The following MTF1 variants were observed in gnomAD, a reference collection of about 807,000 sequenced individuals.
The protein encoded by MTF1 is MRE-binding transcription factor.
In MTF1, 22 loss-of-function variants were observed where a neutral mutation model predicts 70.4. That is an observed-to-expected ratio of 0.31 (90% CI 0.22 to 0.45). The LOEUF is 0.45. Among genes scored for constraint, MTF1 ranks in the 20% least tolerant of loss-of-function variants. The pLI is 1.00. For synonymous variants in MTF1, 333 were observed against 352.8 expected (o/e 0.94, Z 0.63); for missense variants, 649 against 922.0 (o/e 0.70, Z 3.83).
Position 37,822,291 on chromosome 1 carries a change from C to T in MTF1, c.1597G>A (p.Val533Ile), listed in dbSNP as rs1287811352. The T allele has an allele frequency of 6.2e-7, 1 of 1,614,080 alleles. No homozygotes were observed. The highest frequency in any genetic ancestry group is 8.5e-7 in the Non-Finnish European group (1 of 1,180,010). Residue 533 changes from valine to isoleucine, a missense_variant, in exon 9 of 11, where the codon GTC (valine) becomes ATC (isoleucine). Coordinates refer to ENST00000373036, the MANE Select transcript of MTF1 (RefSeq NM_005955.3). ...QSTTEPLPAMVQTLPLGANSV... is the reference protein window; with the variant it reads ...QSTTEPLPAMIQTLPLGANSV... ...TTGGCACCCAGGGGCAGAGTCTGGA[C>T]CATGGCTGGCAGGGGCTCAGTAGTA...
chr1:37,828,761 C>A (rs1038129923), intron 7 of MTF1, among the ~76,000 whole-genome samples: 1 of 152,078 alleles, frequency 6.6e-6, no homozygotes, highest in Middle Eastern at 3.2e-3. Flanking sequence ...ATGCTGAAGC[C>A]CCTGCCAAGC....
chr1:37,815,547 A>G lies in MTF1; in HGVS notation c.1851T>C (p.Ile617=). The G allele has an allele frequency of 6.5e-7, 1 of 1,534,234 alleles. No homozygotes were observed. The highest frequency in any genetic ancestry group is 8.7e-7 in the Non-Finnish European group (1 of 1,143,176). The change falls in exon 11 of 11, where the codon ATT becomes ATC. Residue 617 remains isoleucine (I), a synonymous_variant. Transcript: ENST00000373036. The surrounding 1 kb of genome is among the most constrained non-coding windows in gnomAD (Gnocchi z 4.5). ...ASSPGSSVQQ[I]GLSVPVIIIK... is the part of the protein sequence containing the mutation. ...TGATGATCACAGGAACACTGAGGCC[A>G]ATCTGCTGGACAGAGCTCCCTGCGA... is the stretch of plus-strand genomic sequence containing the variant.
intron 3 of MTF1, among the ~76,000 whole-genome samples, chr1:37,839,146 T>G (rs1219989489): frequency 6.6e-6 from 1 of 152,100 alleles, no homozygotes. Flanking sequence ...CATGCCAGCT[T>G]AATGTGCTTC....
At chr1:37,856,538 C>A (rs1334378321) in intron 2 of MTF1, among the ~76,000 whole-genome samples, 2 of 144,936 alleles carry the variant, frequency 1.4e-5, no homozygotes, top group Non-Finnish European at 3.0e-5. Context: ...CTCACTCTAT[C>A]GCCCAGGCTG....
intron 9 of MTF1, among the ~76,000 whole-genome samples, chr1:37,820,086 C>T (rs542022538): frequency 4.6e-5 from 7 of 151,712 alleles, no homozygotes; most frequent in South Asian, 2.1e-4. Flanking sequence ...CACATGGAGG[C>T]GGGCTGGGTC....
At chr1:37,821,953 T>C (rs1640916587) in intron 9 of MTF1, among the ~76,000 whole-genome samples, 168 bp downstream of exon 9, 1 of 152,176 alleles carries the variant, frequency 6.6e-6, no homozygotes, top group African/African-American at 2.4e-5. Context: ...GACCACAGCA[T>C]TTCCTACGTT....
intron 9 of MTF1, among the ~76,000 whole-genome samples, chr1:37,821,105 G>A (rs943369585): frequency 8.5e-5 from 13 of 152,084 alleles, no homozygotes; most frequent in African/African-American, 3.1e-4. Context: ...GAGCTCAAGA[G>A]GTGGAGGTTG....
intron 7 of MTF1, chr1:37,828,191 A>C: frequency 2.5e-6 from 1 of 404,176 alleles, no homozygotes; most frequent in South Asian, 1.8e-5. Context: ...AAAAAACAGG[A>C]AAAACTAATC....
At chr1:37,832,191 A>T in intron 7 of MTF1, 54 bp downstream of exon 7, 1 of 1,152,676 alleles carries the variant, frequency 8.7e-7, no homozygotes, top group Non-Finnish European at 1.3e-6. Flanking sequence ...CACCAAAGGG[A>T]GTGCTTAATT....
chr1:37,815,468 C>T lies in MTF1; in HGVS notation c.1930G>A (p.Glu644Lys), dbSNP rs1341101789. Residue 644 changes from glutamate (E) to lysine (K), a missense_variant, in exon 11 of 11, where the codon GAG (glutamate) becomes AAG (lysine). Glu to Lys is a moderately conservative substitution (Grantham distance 56). Around this residue, in one of 7 missense-constraint regions of MTF1, gnomAD observed 138 missense variants for 134.4 expected, o/e 1.03. Transcript: ENST00000373036. This position sits in a 1 kb window ranked among gnomAD's most constrained non-coding sequence, Gnocchi z 4.5. The part of the protein sequence containing the change: ...CQCACRDSAK[E>K]RASSRRKGCS... ...CCCTTTCTCCTGCTGGATGCCCGCT[C>T]CTTTGCAGAGTCCCGGCATGCACAC... is the stretch of plus-strand genomic sequence containing the variant. 6.2e-7 allele frequency: 1 copy of T among 1,601,938 alleles called. No homozygotes were observed. Among genetic ancestry groups the T allele is most frequent in the Non-Finnish European group, 8.5e-7 (1 of 1,173,862 alleles).
At chr1:37,838,540 T>C in intron 4 of MTF1, 85 bp downstream of exon 4, 1 of 1,244,984 alleles carries the variant, frequency 8.0e-7, no homozygotes, top group South Asian at 1.4e-5. Flanking sequence ...AAGGGAGTTT[T>C]CTTTCTTTTT....
intron 2 of MTF1, among the ~76,000 whole-genome samples, chr1:37,846,017 G>A (rs1641327438): frequency 6.6e-6 from 1 of 152,114 alleles, no homozygotes; most frequent in Admixed American, 6.5e-5. Context: ...GATCAGAGCA[G>A]GAAATTGCAA....
intron 8 of MTF1, among the ~76,000 whole-genome samples, 177 bp from the exon 9 acceptor site, chr1:37,822,893 C>T (rs974260430): frequency 2.0e-5 from 3 of 152,144 alleles, no homozygotes; most frequent in South Asian, 2.1e-4. Flanking sequence ...CAAAGTATCA[C>T]GTTTCACCAT....
Position 37,815,586 on chromosome 1 carries a change from G to C in MTF1, c.1832-20C>G. 6.6e-7 allele frequency: 1 copy of C among 1,514,750 alleles called. No homozygotes were observed. Among genetic ancestry groups the C allele is most frequent in the East Asian group, 2.3e-5 (1 of 44,080 alleles). 93.8% of individuals were successfully genotyped at this position (1,514,750 alleles called of 1,614,324 possible). On this transcript the variant is annotated intron_variant, in intron 10 of 10. Transcript: ENST00000373036. This position sits in a 1 kb window ranked among gnomAD's most constrained non-coding sequence, Gnocchi z 4.5. Reference sequence around the variant, plus strand: ...AGCTCCCTGCGAGAGAGGCAAGAGAGACTGCTCTTCAAGTAGCTGCAGGGG... The same window carrying C: ...AGCTCCCTGCGAGAGAGGCAAGAGACACTGCTCTTCAAGTAGCTGCAGGGG...
In MTF1 at chr1:37,839,973, C is replaced by T; in HGVS notation, c.594G>A (p.Lys198=). Reference sequence around the variant, plus strand: ...AGCCCTGCACGTCACACTCAAATGGCTTCTCCTTCGTGTGCACTCGCACGT... The same window carrying T: ...AGCCCTGCACGTCACACTCAAATGGTTTCTCCTTCGTGTGCACTCGCACGT... The part of the protein sequence containing the change: ...RIHVRVHTKE[K]PFECDVQGCE... The change falls in exon 3 of 11, where the codon AAG becomes AAA. Residue 198 remains lysine (K), a synonymous_variant. Coordinates refer to ENST00000373036, the MANE Select transcript of MTF1 (RefSeq NM_005955.3). 1 of 1,614,218 alleles carries T rather than the reference C, an allele frequency of 6.2e-7. No individual in the cohort carries two copies. Among genetic ancestry groups the T allele is most frequent in the East Asian group, 2.2e-5 (1 of 44,878 alleles).
At chr1:37,848,594 A>G (rs2148420008) in intron 2 of MTF1, among the ~76,000 whole-genome samples, 1 of 152,346 alleles carries the variant, frequency 6.6e-6, no homozygotes. Context: ...TATAATTCCT[A>G]TAGCACCAAG....
intron 7 of MTF1, among the ~76,000 whole-genome samples, chr1:37,827,586 T>C (rs191565813): frequency 1.2e-4 from 18 of 152,186 alleles, no homozygotes; most frequent in Non-Finnish European, 2.4e-4. Context: ...ATGGTCTTGA[T>C]CTTCTGACTT....
intron 4 of MTF1, among the ~76,000 whole-genome samples, chr1:37,837,148 C>T (rs1641183128): frequency 6.6e-6 from 1 of 152,132 alleles, no homozygotes; most frequent in African/African-American, 2.4e-5. Context: ...ACAGCCTTGA[C>T]CTCCCAGGCT....
chr1:37,817,891 C>G (rs971760327), intron 9 of MTF1, among the ~76,000 whole-genome samples: 1 of 152,116 alleles, frequency 6.6e-6, no homozygotes, highest in Admixed American at 6.5e-5. Context: ...TTTTCCCCCT[C>G]AGAGATTAAG....
Sources: allele counts gnomAD v4.1 joint callset (sites outside exome capture counted in the v4.1 genomes callset), GRCh38; gene constraint gnomAD v4.1.1; regional missense constraint gnomAD v4.1.1; non-coding constraint Gnocchi (gnomAD v3.1); transcripts MANE v1.5; gene names NCBI Gene and HGNC (gene_info 2026-07-23, HGNC 2026-07-21).